Variants in SEC14L3 observed in about 807,000 individuals in gnomAD.
SEC14L3 encodes SEC14-like protein 3.
A neutral mutation model predicts 57.4 loss-of-function variants in SEC14L3; 56 were observed. The observed-to-expected ratio is 0.97, with a 90% CI of 0.79 to 1.22. The LOEUF is 1.22. SEC14L3 is among the 50% of genes most tolerant of loss of function. The probability of loss-of-function intolerance (pLI) is 0.00; values close to 1 mark genes in which losing one functional copy is unlikely to be tolerated. For synonymous variants in SEC14L3, 173 were observed against 194.4 expected (o/e 0.89, Z 0.92); for missense variants, 485 against 511.7 (o/e 0.95, Z 0.50).
rs570324701 is a variant in SEC14L3 at position 30,466,115 on chromosome 22, G to A, written c.580+219C>T. Among the ~76,000 whole-genome samples the A allele has an allele frequency of 1.1e-4, 16 of 152,270 alleles. No homozygotes were observed. The East Asian group carries it at 3.1e-3, about 29-fold the overall frequency. ...CAGGAGAAATAAGGGAGGATCCCTG[G>A]GAGAGCTGGGACTGGAGCTGCCTTC... is the stretch of plus-strand genomic sequence containing the variant. On this transcript the variant is annotated intron_variant, in intron 7 of 11. Coordinates refer to ENST00000215812, the MANE Select transcript of SEC14L3 (RefSeq NM_174975.5).
rs545212992 is a variant in SEC14L3, at chr22:30,464,123, C to T, written c.664+697G>A. ...TCCAGAATTCATCAAATGCATGCAC[C>T]ATTATTTATTTATCCAGTCCTTTCT... On this transcript the variant is annotated intron_variant, in intron 8 of 11. Coordinates refer to ENST00000215812, the MANE Select transcript of SEC14L3 (RefSeq NM_174975.5). Among the ~76,000 whole-genome samples, 5 of 152,258 alleles carry T rather than the reference C, an allele frequency of 3.3e-5. No individual in the cohort carries two copies. The East Asian group carries it at 9.6e-4, about 29-fold the overall frequency.
At chr22:30,458,322 C>T (rs900984929), downstream of SEC14L3, among the ~76,000 whole-genome samples, 12 of 152,156 alleles carry the variant, frequency 7.9e-5, no homozygotes, top group South Asian at 6.2e-4. Flanking sequence ...ATGTGAGCAG[C>T]GGACAGGATG....
chr22:30,468,009 G>A (rs557947186), intron 5 of SEC14L3, among the ~76,000 whole-genome samples: 10 of 152,284 alleles, frequency 6.6e-5, no homozygotes, highest in Non-Finnish European at 1.3e-4. Context: ...GGCCTGGTAC[G>A]GTGGCTCACG....
At chr22:30,457,078 G>GACCCT (rs904517429), downstream of SEC14L3, among the ~76,000 whole-genome samples, 1 of 152,158 alleles carries the variant, frequency 6.6e-6, no homozygotes, top group African/African-American at 2.4e-5. Context: ...CTCTACCTCA[G>GACCCT]ACCCTGCTTC....
rs1488436570 is a variant in SEC14L3 at position 30,459,398 on chromosome 22, C to A, written c.*623G>T. The A allele has an allele frequency of 9.1e-6, 9 of 985,346 alleles. No homozygotes were observed. The South Asian group carries it at 4.2e-4, about 46-fold the overall frequency. 61.0% of individuals were successfully genotyped at this position (985,346 alleles called of 1,614,324 possible). On this transcript the variant is annotated 3_prime_UTR_variant, in exon 12 of 12. Transcript: ENST00000215812. Reference sequence around the variant, plus strand: ...GCAGCTCCTATCAGAGGCATGTGGCCTTTGTGGCTGGGGCCCTCAAAAGAC... The same window carrying A: ...GCAGCTCCTATCAGAGGCATGTGGCATTTGTGGCTGGGGCCCTCAAAAGAC...
chr22:30,450,177 G>C (rs891994834), intron 12 of SEC14L3, among the ~76,000 whole-genome samples: 4 of 152,332 alleles, frequency 2.6e-5, no homozygotes, highest in African/African-American at 4.8e-5. Context: ...CTATGTTGAG[G>C]TAGCGGGGGC....
chr22:30,459,544 A>G lies in SEC14L3; in HGVS notation c.*477T>C. On this transcript the variant is annotated 3_prime_UTR_variant, in exon 12 of 12. Coordinates refer to ENST00000215812, the MANE Select transcript of SEC14L3 (RefSeq NM_174975.5). ...CACCCCACATAGGCTCCTCCTAATC[A>G]TGTACAGCTGTTGAGTCACCTGCAC... 1.0e-6 allele frequency: 1 copy of G among 986,852 alleles called. No individual in the cohort carries two copies. The highest frequency in any genetic ancestry group is 1.2e-6 in the Non-Finnish European group (1 of 830,750). The allele number at this position is 986,852 out of a possible 1,614,324, so 61.1% of individuals were successfully genotyped here.
chr22:30,464,429 T>C (rs145436360), intron 8 of SEC14L3, among the ~76,000 whole-genome samples: 157 of 152,184 alleles, frequency 1.0e-3, no homozygotes, highest in African/African-American at 3.8e-3. Flanking sequence ...CTAGGTGATG[T>C]GTAGAGTTCT....
chr22:30,461,172 T>C lies in SEC14L3; in HGVS notation c.1081+138A>G. ...TGAATATGGACTGAGTGAGTGACTG[T>C]ATGAATGAATGGTGCTAACCTAGGC... On this transcript the variant is annotated intron_variant, in intron 11 of 11. Transcript: ENST00000215812. 4.8e-6 allele frequency: 5 copies of C among 1,039,392 alleles called. No homozygotes were observed. The South Asian group carries it at 8.7e-5, about 18-fold the overall frequency. 64.4% of individuals were successfully genotyped at this position (1,039,392 alleles called of 1,614,324 possible).
chr22:30,448,196 A>G (rs926856240), exon 13 of SEC14L3: 1 of 152,064 alleles, frequency 6.6e-6, no homozygotes, highest in African/African-American at 2.4e-5. Context: ...AAGCAAGAGG[A>G]GACTTCTTTC....
At chr22:30,462,257 C>G (rs1935292769) in intron 8 of SEC14L3, 65 bp from the exon 9 acceptor site, 2 of 1,528,788 alleles carry the variant, frequency 1.3e-6, no homozygotes, top group Admixed American at 4.1e-5. Flanking sequence ...CTCCCACACC[C>G]ACCAGGATGA....
At position 30,471,900 on chromosome 22, in the gene SEC14L3, C is replaced by G; in HGVS notation, c.54+5G>C. On this transcript the variant is annotated splice_donor_5th_base_variant and intron_variant, in intron 1 of 11. Transcript: ENST00000215812. ...TTCCGGAACTCCAGGGGGAGGGGCT[C>G]TCACCTTGGCCAGGGTCTCTGCCTG... is the stretch of plus-strand genomic sequence containing the variant. The G allele has an allele frequency of 6.2e-7, 1 of 1,613,338 alleles. No homozygotes were observed.
At chr22:30,456,699 A>G (rs766768715), downstream of SEC14L3, among the ~76,000 whole-genome samples, 9 of 152,196 alleles carry the variant, frequency 5.9e-5, no homozygotes, top group East Asian at 1.9e-4. Flanking sequence ...GGAGGGGACA[A>G]ATATCCAAAC....
intron 12 of SEC14L3, among the ~76,000 whole-genome samples, chr22:30,453,271 T>C (rs1935021797): frequency 2.0e-5 from 3 of 152,234 alleles, no homozygotes; most frequent in African/African-American, 7.2e-5. Flanking sequence ...TAGGCAGCTC[T>C]GTAGGTTGAT....
In SEC14L3 at chr22:30,452,037, G is replaced by GAAAAA. The variant is rs1569224118; in HGVS notation, c.905-2794_905-2793insTTTTT. ...AAAAAGAAAAGAAAAGAAAAGAAAA[G>GAAAAA]AAAGAAGAAAGGAAAAGAAAAATCC... On this transcript the variant is annotated intron_variant, in intron 12 of 12. Transcript: ENST00000403066. 1.4e-3 allele frequency among the ~76,000 whole-genome samples: 193 copies of GAAAAA among 138,210 alleles called. 2 individuals carry two copies. The highest frequency in any genetic ancestry group is 5.7e-3 in the East Asian group (27 of 4,718). 90.7% of individuals were successfully genotyped at this position (138,210 alleles called of 152,430 possible).
At chr22:30,470,409 G>T in intron 2 of SEC14L3, 98 bp downstream of exon 2, 1 of 1,603,132 alleles carries the variant, frequency 6.2e-7, no homozygotes. Context: ...GCAAGATTGT[G>T]TGGATGGACC....
At chr22:30,455,135 T>TAATATTTAATATATATTATATTA (rs1569225661), downstream of SEC14L3, among the ~76,000 whole-genome samples, 7 of 96,648 alleles carry the variant, frequency 7.2e-5, no homozygotes, top group African/African-American at 3.0e-4. Flanking sequence ...ATATTATATT[T>TAATATTTAATATATATTATATTA]AATATTTAAT....
chr22:30,450,863 C>A (rs1036166358), intron 12 of SEC14L3, among the ~76,000 whole-genome samples: 1 of 152,220 alleles, frequency 6.6e-6, no homozygotes, highest in Non-Finnish European at 1.5e-5. Flanking sequence ...CTCTTCCTAG[C>A]ACACATAAGC....
rs146771913 is a variant in SEC14L3, at chr22:30,467,029, G to A, written c.472C>T (p.Leu158=). ...TIVMIFDCEG[L]GLKHFWKPLV... is the part of the protein sequence containing the mutation. ...GGTTTCCAGAAGTGTTTCAGTCCCA[G>A]GCCCTCACAGTCAAATATCATCACG... is the stretch of plus-strand genomic sequence containing the variant. Residue 158 remains leucine (L), a synonymous_variant, in exon 6 of 12, where the codon CTG becomes TTG. Coordinates refer to ENST00000215812, the MANE Select transcript of SEC14L3 (RefSeq NM_174975.5). 8.1e-6 allele frequency: 13 copies of A among 1,613,934 alleles called. No homozygotes were observed. The highest frequency in any genetic ancestry group is 1.1e-5 in the Non-Finnish European group (13 of 1,179,988).
Sources: allele counts gnomAD v4.1 joint callset (sites outside exome capture counted in the v4.1 genomes callset), GRCh38; gene constraint gnomAD v4.1.1; transcripts MANE v1.5; gene names NCBI Gene and HGNC (gene_info 2026-07-23, HGNC 2026-07-21).